The following H2AC25 variants were observed in gnomAD, a reference collection of about 807,000 sequenced individuals.
H2AC25 encodes histone H2A type 3.
chr1:228,457,873 G>C, the H2AC25 span: 13 of 1,553,924 alleles, frequency 8.4e-6, no homozygotes, highest in Non-Finnish European at 1.1e-5. Context: ...AAAAACAAGA[G>C]GGCAGTGAAG....
chr1:228,457,673 G>C, the H2AC25 span: 2 of 1,613,628 alleles, frequency 1.2e-6, no homozygotes, highest in Admixed American at 1.7e-5. Context: ...AGATAGACCG[G>C]GGCGCCGGCG....
chr1:228,457,852 A>AT, the H2AC25 span: 3 of 1,573,898 alleles, frequency 1.9e-6, no homozygotes, highest in Non-Finnish European at 2.6e-6. Flanking sequence ...CGGCAACCGA[A>AT]AAGCGAGACT....
At chr1:228,457,553 G>C in the H2AC25 span, 1 of 1,614,090 alleles carries the variant, frequency 6.2e-7, no homozygotes, top group Non-Finnish European at 8.5e-7. Flanking sequence ...TCGTCGTTGC[G>C]GATGGCCAGC....
chr1:228,457,769 A>G, the H2AC25 span: 1 of 1,610,194 alleles, frequency 6.2e-7, no homozygotes, highest in Non-Finnish European at 8.5e-7. Context: ...GACGAGCGCG[A>G]CTTAGCCTTG....
chr1:228,457,733 C>T, the H2AC25 span: 2 of 1,612,606 alleles, frequency 1.2e-6, no homozygotes, highest in South Asian at 2.2e-5. Flanking sequence ...TGCACGCGGC[C>T]CACGGGGAAC....
chr1:228,457,764 G>A, the H2AC25 span: 43 of 1,610,800 alleles, frequency 2.7e-5, no homozygotes, highest in Admixed American at 1.5e-4. Context: ...CGCGCGACGA[G>A]CGCGACTTAG....
the H2AC25 span, chr1:228,457,383 C>A: frequency 1.1e-5 from 17 of 1,610,788 alleles, no homozygotes; most frequent in African/African-American, 1.3e-5. Flanking sequence ...CTGAAAAGAG[C>A]CTTTATGTCC....
chr1:228,457,647 C>G, the H2AC25 span: 1 of 1,613,880 alleles, frequency 6.2e-7, no homozygotes, highest in Non-Finnish European at 8.5e-7. Flanking sequence ...CAGTCAAGTA[C>G]TCGAGCACCG....
At chr1:228,457,641 CA>C in the H2AC25 span, 2 of 1,613,948 alleles carry the variant, frequency 1.2e-6, no homozygotes, top group Non-Finnish European at 1.7e-6. Context: ...TCTCGGCAGT[CA>C]AGTACTCGAG....
At chr1:228,457,866 A>G in the H2AC25 span, 2 of 1,565,058 alleles carry the variant, frequency 1.3e-6, no homozygotes, top group African/African-American at 1.4e-5. Context: ...CGAGACTAAA[A>G]ACAAGAGGGC....
At chr1:228,457,865 AAAC>A in the H2AC25 span, 1 of 1,565,750 alleles carries the variant, frequency 6.4e-7, no homozygotes, top group Non-Finnish European at 8.6e-7. Flanking sequence ...GCGAGACTAA[AAAC>A]AAGAGGGCAG....
At chr1:228,457,793 C>T in the H2AC25 span, 2 of 1,606,126 alleles carry the variant, frequency 1.2e-6, no homozygotes. Context: ...CGCGCCTTGC[C>T]ACCCTGCTTA....
chr1:228,457,597 T>C, the H2AC25 span: 1 of 1,614,020 alleles, frequency 6.2e-7, no homozygotes, highest in South Asian at 1.1e-5. Flanking sequence ...CGTCTTCTTG[T>C]TGTCGCGCGC....
chr1:228,457,398 A>G, the H2AC25 span: 79 of 1,613,152 alleles, frequency 4.9e-5, no homozygotes, highest in Non-Finnish European at 6.4e-5. Context: ...ATGTCCATCA[A>G]AGGGGCCCCG....
the H2AC25 span, chr1:228,457,871 G>A: frequency 1.4e-5 from 22 of 1,556,558 alleles, no homozygotes; most frequent in Non-Finnish European, 1.6e-5. Flanking sequence ...CTAAAAACAA[G>A]AGGGCAGTGA....
the H2AC25 span, chr1:228,457,644 G>C: frequency 6.2e-7 from 1 of 1,613,956 alleles, no homozygotes; most frequent in South Asian, 1.1e-5. Context: ...CGGCAGTCAA[G>C]TACTCGAGCA....
the H2AC25 span, chr1:228,457,820 C>G: frequency 1.9e-6 from 3 of 1,588,140 alleles, no homozygotes; most frequent in Non-Finnish European, 2.6e-6. Context: ...CCGGACATTT[C>G]CGAGTCAAGG....
chr1:228,457,736 C>T, the H2AC25 span: 34 of 1,612,272 alleles, frequency 2.1e-5, no homozygotes, highest in Non-Finnish European at 2.4e-5. Context: ...ACGCGGCCCA[C>T]GGGGAACTGC....
At chr1:228,457,433 C>T in the H2AC25 span, 10 of 1,614,038 alleles carry the variant, frequency 6.2e-6, no homozygotes, top group Non-Finnish European at 8.5e-6. Flanking sequence ...CCTCACTTGC[C>T]CTTGGCCTTG....
Sources: allele counts gnomAD v4.1 joint callset, GRCh38; gene constraint gnomAD v4.1.1; transcripts MANE v1.5; gene names NCBI Gene and HGNC (gene_info 2026-07-23, HGNC 2026-07-21).